The following CPQ variants were observed in gnomAD, a reference collection of about 807,000 sequenced individuals.
CPQ encodes carboxypeptidase Q, also known as Ser-Met dipeptidase.
A neutral mutation model predicts 45.7 loss-of-function variants in CPQ; 37 were observed. The ratio of observed to expected loss-of-function variants is 0.81; its 90% CI spans 0.62 to 1.07. The LOEUF is 1.07. CPQ is among the 50% of genes least tolerant of loss of function. CPQ has a pLI of 0.00. For missense variants in CPQ, 537 were observed against 572.9 expected, an observed-to-expected ratio of 0.94 and a Z score of 0.64; for synonymous variants, 186 against 205.8, an observed-to-expected ratio of 0.90 and a Z score of 0.82.
chr8:97,034,185 C>G (rs1809958184), intron 6 of CPQ, among the ~76,000 whole-genome samples: 1 of 152,066 alleles, frequency 6.6e-6, no homozygotes, highest in Non-Finnish European at 1.5e-5. Context: ...AGGAAACAAA[C>G]TTTGGCAAAA....
intron 1 of CPQ, among the ~76,000 whole-genome samples, chr8:96,648,069 G>C (rs575056874): frequency 1.3e-5 from 2 of 152,296 alleles, no homozygotes; most frequent in East Asian, 3.9e-4. Flanking sequence ...TGGGTTTCCA[G>C]AACCCTTATA....
In CPQ at chr8:96,779,939, G is replaced by A. The variant is rs142501827; in HGVS notation, c.-34-4925G>A. Reference sequence around the variant, plus strand: ...TGTAATAAAAAGGGAAGCAGCAACAGTGTATAGTTTTCATAATTTTTCAAA... The same window carrying A: ...TGTAATAAAAAGGGAAGCAGCAACAATGTATAGTTTTCATAATTTTTCAAA... On this transcript the variant is annotated intron_variant, in intron 1 of 7. Coordinates refer to ENST00000220763, the MANE Select transcript of CPQ (RefSeq NM_016134.4). 3.1e-3 allele frequency among the ~76,000 whole-genome samples: 472 copies of A among 152,282 alleles called. 1 individual carries two copies. Among genetic ancestry groups the A allele is most frequent in the African/African-American group, 0.01 (422 of 41,560 alleles).
At chr8:96,666,573 A>G (rs1181115373) in intron 1 of CPQ, among the ~76,000 whole-genome samples, 2 of 152,100 alleles carry the variant, frequency 1.3e-5, no homozygotes, top group Non-Finnish European at 2.9e-5. Context: ...TAAAGAAAAT[A>G]AAGCCAGAAC....
chr8:96,854,620 A>C (rs1213987552), intron 3 of CPQ, among the ~76,000 whole-genome samples: 1 of 151,028 alleles, frequency 6.6e-6, no homozygotes, highest in South Asian at 2.1e-4. Flanking sequence ...TGTTATATTC[A>C]TCCAATAGGG....
At chr8:96,819,969 T>A (rs1175884253) in intron 2 of CPQ, among the ~76,000 whole-genome samples, 2 of 152,126 alleles carry the variant, frequency 1.3e-5, no homozygotes, top group Admixed American at 6.6e-5. Context: ...ACCCATCAAG[T>A]GGAAAGTTTG....
chr8:96,762,712 C>T (rs117922941), intron 1 of CPQ, among the ~76,000 whole-genome samples: 2,361 of 152,186 alleles, frequency 0.016, 30 homozygotes, highest in Non-Finnish European at 0.023. Context: ...TTTATAAGTG[C>T]TTTCAGTTCA....
intron 3 of CPQ, among the ~76,000 whole-genome samples, chr8:96,840,631 T>C (rs1000981184): frequency 6.6e-6 from 1 of 152,178 alleles, no homozygotes; most frequent in Admixed American, 6.5e-5. Flanking sequence ...GTGCATAGCA[T>C]GCATTAGACA....
intron 3 of CPQ, among the ~76,000 whole-genome samples, chr8:96,874,535 T>G (rs1160026109): frequency 1.3e-5 from 2 of 151,836 alleles, no homozygotes; most frequent in African/African-American, 4.8e-5. Flanking sequence ...TTTATTGAAT[T>G]TACATTCTAT....
At chr8:96,878,614 C>A (rs1185704708) in intron 3 of CPQ, among the ~76,000 whole-genome samples, 3 of 152,162 alleles carry the variant, frequency 2.0e-5, no homozygotes, top group Admixed American at 6.5e-5. Context: ...ATTGCAGTTT[C>A]TCTAAGTAAA....
At chr8:96,730,866 C>CATACATACAT (rs56216136) in intron 1 of CPQ, among the ~76,000 whole-genome samples, 1 of 68,694 alleles carries the variant, frequency 1.5e-5, no homozygotes, top group African/African-American at 5.1e-5. Flanking sequence ...ACCATACATA[C>CATACATACAT]ATATATATAT....
At chr8:96,655,644 A>G (rs1222193906) in intron 1 of CPQ, among the ~76,000 whole-genome samples, 1 of 152,220 alleles carries the variant, frequency 6.6e-6, no homozygotes, top group African/African-American at 2.4e-5. Flanking sequence ...ATGTCCTATT[A>G]AACCCATAGT....
At chr8:96,926,843 A>G (rs1434580266) in intron 4 of CPQ, among the ~76,000 whole-genome samples, 1 of 151,886 alleles carries the variant, frequency 6.6e-6, no homozygotes, top group Non-Finnish European at 1.5e-5. Context: ...CAAGCCCCGG[A>G]GAGGCCCCAG....
rs1391277733 is a variant in CPQ at position 97,122,955 on chromosome 8, ATAAAATAAAATAAAATAAAATAAAAT to A, written c.1256-20042_1256-20017del. On this transcript the variant is annotated intron_variant, in intron 7 of 7. Coordinates refer to ENST00000220763, the MANE Select transcript of CPQ (RefSeq NM_016134.4). ...ATAAAATAAAATAAAATAAAATAAA[ATAAAATAAAATAAAATAAAATAAAAT>A]TAAAATAAAATAAAATAAAATATAA... Among the ~76,000 whole-genome samples the A allele has an allele frequency of 1.6e-3, 145 of 88,354 alleles. 23 individuals carry two copies. The highest frequency in any genetic ancestry group is 8.3e-3 in the African/African-American group (135 of 16,268). 58.0% of individuals were successfully genotyped at this position (88,354 alleles called of 152,430 possible).
intron 4 of CPQ, among the ~76,000 whole-genome samples, chr8:96,932,236 T>C (rs1311812654): frequency 6.6e-6 from 1 of 152,122 alleles, no homozygotes; most frequent in African/African-American, 2.4e-5. Context: ...TACTCAGTAT[T>C]TCCTGCTCTC....
In CPQ at chr8:97,023,104, T is replaced by C. The variant is rs547704283; in HGVS notation, c.962-6299T>C. On this transcript the variant is annotated intron_variant, in intron 5 of 7. Transcript: ENST00000220763. ...ATATACACTATGTATATACTATATATATACACACTATATATATATACTATA... is the reference window on the plus strand; with the variant it reads ...ATATACACTATGTATATACTATATACATACACACTATATATATATACTATA... 1.4e-4 allele frequency among the ~76,000 whole-genome samples: 14 copies of C among 99,084 alleles called. No individual in the cohort carries two copies. In the East Asian group the frequency reaches 3.9e-3, roughly 28 times the overall value. 65.0% of individuals were successfully genotyped at this position (99,084 alleles called of 152,430 possible).
chr8:96,791,340 C>T (rs1410411584), intron 2 of CPQ, among the ~76,000 whole-genome samples: 1 of 152,142 alleles, frequency 6.6e-6, no homozygotes, highest in African/African-American at 2.4e-5. Context: ...CCGTTGATAC[C>T]TGTACTGTGA....
intron 4 of CPQ, among the ~76,000 whole-genome samples, chr8:96,881,774 A>G (rs1352759649): frequency 6.6e-6 from 1 of 152,194 alleles, no homozygotes; most frequent in African/African-American, 2.4e-5. Flanking sequence ...AATTAACAGA[A>G]TTATTGTGAG....
intron 6 of CPQ, among the ~76,000 whole-genome samples, chr8:97,043,183 A>G (rs145111578): frequency 0.015 from 2,256 of 152,280 alleles, 60 homozygotes; most frequent in Admixed American, 0.045. Flanking sequence ...TATTGGGTGC[A>G]TATATATTTA....
chr8:96,779,619 CATT>C (rs1810662249), intron 1 of CPQ, among the ~76,000 whole-genome samples: 1 of 152,084 alleles, frequency 6.6e-6, no homozygotes, highest in Non-Finnish European at 1.5e-5. Context: ...ACAATGGTGT[CATT>C]ATATGATTCT....
Sources: gnomAD v4.1 joint callset for allele counts (sites outside exome capture counted in the v4.1 genomes callset) on GRCh38, gnomAD v4.1.1 for gene constraint, MANE v1.5 for transcripts, NCBI Gene and HGNC (gene_info 2026-07-23, HGNC 2026-07-21) for gene names.